The following SPATA16 variants were observed in gnomAD, a reference collection of about 807,000 sequenced individuals.
The protein encoded by SPATA16 is spermatogenesis-associated protein 16.
Under a neutral mutation model 63.3 loss-of-function variants are expected in SPATA16, and 36 were observed. The ratio of observed to expected loss-of-function variants is 0.57; its 90% CI spans 0.44 to 0.75. The LOEUF is 0.75. Ranked by LOEUF, SPATA16 falls within the 30% of genes least tolerant of loss-of-function variation. The probability of loss-of-function intolerance (pLI) is 0.00; values close to 1 mark genes in which losing one functional copy is unlikely to be tolerated. For missense variants in SPATA16, 646 were observed against 679.3 expected (o/e 0.95, Z 0.54); for synonymous variants, 203 against 216.7 (o/e 0.94, Z 0.56).
chr3:172,925,527 G>A, intron 6 of SPATA16, 35 bp from the exon 7 acceptor site: 1 of 1,613,494 alleles, frequency 6.2e-7, no homozygotes, highest in Non-Finnish European at 8.5e-7. Flanking sequence ...AAGAGGCTTT[G>A]TTATGGTTTT....
chr3:172,988,762 G>A (rs941749222), intron 4 of SPATA16, among the ~76,000 whole-genome samples: 3 of 152,098 alleles, frequency 2.0e-5, no homozygotes, highest in African/African-American at 7.2e-5. Flanking sequence ...TCAGCCTCCC[G>A]AGTAGCTGAG....
chr3:173,007,027 A>G (rs908192677), intron 4 of SPATA16, among the ~76,000 whole-genome samples: 1 of 152,170 alleles, frequency 6.6e-6, no homozygotes, highest in Admixed American at 6.5e-5. Flanking sequence ...TTTTAAGGCA[A>G]TTGATTGTCT....
At chr3:172,930,033 T>G (rs1732832022) in intron 6 of SPATA16, among the ~76,000 whole-genome samples, 1 of 152,226 alleles carries the variant, frequency 6.6e-6, no homozygotes, top group African/African-American at 2.4e-5. Flanking sequence ...ACCTGCACAT[T>G]GCAATGCATC....
intron 2 of SPATA16, among the ~76,000 whole-genome samples, chr3:173,110,995 A>C (rs1737737857): frequency 6.6e-6 from 1 of 152,224 alleles, no homozygotes; most frequent in African/African-American, 2.4e-5. Flanking sequence ...ATTTTTAACA[A>C]GATTACTATA....
At chr3:172,926,559 G>C (rs1732742371) in intron 6 of SPATA16, among the ~76,000 whole-genome samples, 2 of 152,218 alleles carry the variant, frequency 1.3e-5, no homozygotes, top group African/African-American at 4.8e-5. Flanking sequence ...GGCAAAGCCA[G>C]ATTCACAACC....
At chr3:173,123,601 ATTT>A (rs541550629) in intron 1 of SPATA16, among the ~76,000 whole-genome samples, 9 of 136,510 alleles carry the variant, frequency 6.6e-5, no homozygotes, top group Admixed American at 2.2e-4. Context: ...AAGGTATTAG[ATTT>A]TTTTTTTTTT....
At chr3:173,039,632 A>T (rs1019334852) in intron 3 of SPATA16, among the ~76,000 whole-genome samples, 6 of 152,082 alleles carry the variant, frequency 3.9e-5, no homozygotes, top group Admixed American at 1.3e-4. Flanking sequence ...GACCTCAGGG[A>T]TAAGATGAGG....
chr3:172,999,800 C>T (rs1734775940), intron 4 of SPATA16, among the ~76,000 whole-genome samples: 1 of 152,194 alleles, frequency 6.6e-6, no homozygotes, highest in Non-Finnish European at 1.5e-5. Flanking sequence ...CTTTTCAAAG[C>T]ACTAGCCTGG....
intron 4 of SPATA16, among the ~76,000 whole-genome samples, chr3:172,987,448 T>C (rs867257645): frequency 2.0e-5 from 3 of 152,318 alleles, no homozygotes; most frequent in Middle Eastern, 6.8e-3. Flanking sequence ...CAGTCAAGCA[T>C]CAGTTCTTGG....
chr3:173,000,628 C>T (rs753580776), intron 4 of SPATA16, among the ~76,000 whole-genome samples: 1 of 151,212 alleles, frequency 6.6e-6, no homozygotes, highest in South Asian at 2.1e-4. Context: ...GCTTCTGCTC[C>T]TTTCTCTCTT....
At chr3:173,053,130 C>T (rs1457791237) in intron 2 of SPATA16, among the ~76,000 whole-genome samples, 3 of 152,110 alleles carry the variant, frequency 2.0e-5, no homozygotes, top group Non-Finnish European at 2.9e-5. Flanking sequence ...CCGAGGCAGG[C>T]GGATCACCTG....
intron 5 of SPATA16, among the ~76,000 whole-genome samples, chr3:172,973,669 T>G (rs1457105596): frequency 1.3e-5 from 2 of 152,146 alleles, no homozygotes; most frequent in Non-Finnish European, 2.9e-5. Flanking sequence ...TAGCCCTGGA[T>G]GTAGTAAGGA....
chr3:173,046,311 G>T (rs1735954602), intron 3 of SPATA16, among the ~76,000 whole-genome samples: 1 of 152,076 alleles, frequency 6.6e-6, no homozygotes, highest in African/African-American at 2.4e-5. Context: ...GAATAAAAAA[G>T]AAGAGCCATT....
chr3:173,074,108 T>C (rs1736733829), intron 2 of SPATA16, among the ~76,000 whole-genome samples: 1 of 152,216 alleles, frequency 6.6e-6, no homozygotes, highest in African/African-American at 2.4e-5. Context: ...ATCCAATGCC[T>C]ATGCTCTCAC....
At chr3:172,900,746 T>G (rs1732111681) in intron 10 of SPATA16, among the ~76,000 whole-genome samples, 1 of 152,098 alleles carries the variant, frequency 6.6e-6, no homozygotes, top group Non-Finnish European at 1.5e-5. Context: ...ATTCAAGTGA[T>G]TCTCCTGCCT....
chr3:173,076,024 A>G (rs539789081), intron 2 of SPATA16, among the ~76,000 whole-genome samples: 4 of 152,320 alleles, frequency 2.6e-5, no homozygotes, highest in Admixed American at 6.5e-5. Context: ...CAAATGTCAC[A>G]TGTACCTTGT....
chr3:172,943,066 A>C (rs9864819), intron 6 of SPATA16, among the ~76,000 whole-genome samples: 5 of 152,106 alleles, frequency 3.3e-5, no homozygotes, highest in Non-Finnish European at 7.4e-5. Context: ...TACTAAAAAC[A>C]AGGGAAGATG....
In SPATA16 at chr3:173,071,568, T is replaced by C. The variant is rs78291666; in HGVS notation, c.613-22474A>G. Among the ~76,000 whole-genome samples the C allele has an allele frequency of 4.9e-3, 751 of 152,160 alleles. 5 individuals are homozygous for C. Among genetic ancestry groups the C allele is most frequent in the African/African-American group, 0.017 (719 of 41,522 alleles). On this transcript the variant is annotated intron_variant, in intron 2 of 10. Transcript: ENST00000351008. ...ATTTGCAGACTACCCATCTTACAAG[T>C]AATTAAAAACCAGAATATATAAGGA...
intron 4 of SPATA16, among the ~76,000 whole-genome samples, chr3:172,999,559 G>A (rs1340344543): frequency 2.0e-5 from 3 of 151,926 alleles, no homozygotes; most frequent in African/African-American, 7.3e-5. Context: ...GATTACAGAC[G>A]TACACCACCA....
Sources: allele counts gnomAD v4.1 joint callset (sites outside exome capture counted in the v4.1 genomes callset), GRCh38; gene constraint gnomAD v4.1.1; transcripts MANE v1.5; gene names NCBI Gene and HGNC (gene_info 2026-07-23, HGNC 2026-07-21).